Variants in MCF2L observed in about 807,000 individuals in gnomAD.
The protein encoded by MCF2L is guanine nucleotide exchange factor DBS.
MCF2L carries 97 observed loss-of-function variants against 153.4 expected under a neutral mutation model. That is an observed-to-expected ratio of 0.63 (90% CI 0.54 to 0.75). The LOEUF (loss-of-function observed/expected upper bound fraction) is 0.75, where lower values mean the gene tolerates loss of function less well. Among genes scored for constraint, MCF2L ranks in the 30% least tolerant of loss-of-function variants. MCF2L has a pLI of 0.00. For synonymous variants in MCF2L, 659 were observed against 632.2 expected, an observed-to-expected ratio of 1.04 and a Z score of -0.64; for missense variants, 1,347 against 1,495.2, an observed-to-expected ratio of 0.90 and a Z score of 1.64.
At chr13:112,962,476 G>A (rs1243325941) in intron 2 of MCF2L, among the ~76,000 whole-genome samples, 1 of 152,214 alleles carries the variant, frequency 6.6e-6, no homozygotes, top group African/African-American at 2.4e-5. Context: ...AGCCATGGGG[G>A]TGGGCCTCAC....
rs1031200965 is a variant in MCF2L at position 112,904,896 on chromosome 13, G to C, written c.169+2525G>C. 6.6e-6 allele frequency among the ~76,000 whole-genome samples: 1 copy of C among 152,202 alleles called. No individual in the cohort carries two copies. The highest frequency in any genetic ancestry group is 1.9e-4 in the East Asian group (1 of 5,202). On this transcript the variant is annotated intron_variant, in intron 2 of 29. Coordinates refer to the MCF2L transcript ENST00000375608. This position sits in a 1 kb window ranked among gnomAD's most constrained non-coding sequence, Gnocchi z 4.2. ...AACCTGTTTGTATCAGAACAATTTCGAAATCAGTGATAGTTTTTTTTGTCA... is the reference window on the plus strand; with the variant it reads ...AACCTGTTTGTATCAGAACAATTTCCAAATCAGTGATAGTTTTTTTTGTCA...
At position 113,053,665 on chromosome 13, in the gene MCF2L, G is replaced by A. The variant is rs924757202; in HGVS notation, c.370-6928G>A. On this transcript the variant is annotated intron_variant, in intron 4 of 29. Transcript: ENST00000535094. This position sits in a 1 kb window ranked among gnomAD's most constrained non-coding sequence, Gnocchi z 4.4. ...ACTGACCGTTTCTGCCTGAATGGGTGGTTCGGTGGTGGTTGCCACAGGGCT... is the reference window on the plus strand; with the variant it reads ...ACTGACCGTTTCTGCCTGAATGGGTAGTTCGGTGGTGGTTGCCACAGGGCT... Among the ~76,000 whole-genome samples the A allele has an allele frequency of 6.6e-6, 1 of 152,212 alleles. No individual in the cohort carries two copies. The highest frequency in any genetic ancestry group is 1.5e-5 in the Non-Finnish European group (1 of 68,042).
Position 113,096,549 on chromosome 13 carries a change from G to T in MCF2L, c.3189-1G>T. The stretch of plus-strand genomic sequence containing the variant: ...CTGCCGCTGACCCTCGCCCCTTGCA[G>T]GTACGTCAGGGACCCGACCACTGGC... On this transcript the variant is annotated splice_acceptor_variant, in intron 28 of 29. Coordinates refer to ENST00000535094, the MANE Select transcript of MCF2L (RefSeq NM_001112732.3). LOFTEE classifies it high-confidence loss of function. The T allele has an allele frequency of 1.2e-6, 2 of 1,603,024 alleles. No individual in the cohort carries two copies. The highest frequency in any genetic ancestry group is 2.7e-5 in the African/African-American group (2 of 74,934).
At position 113,035,755 on chromosome 13, in the gene MCF2L, T is replaced by C. The variant is rs1380705332; in HGVS notation, c.279-9516T>C. Among the ~76,000 whole-genome samples the C allele has an allele frequency of 6.6e-6, 1 of 152,202 alleles. No individual in the cohort carries two copies. The highest frequency in any genetic ancestry group is 1.5e-5 in the Non-Finnish European group (1 of 68,030). ...TGGTGTGAGCGATCAGAGACCCCAG[T>C]GTTTACCAGGTAGGCTCTGGGCTCA... On this transcript the variant is annotated intron_variant, in intron 3 of 29. Transcript: ENST00000535094. This position sits in a 1 kb window ranked among gnomAD's most constrained non-coding sequence, Gnocchi z 4.4.
At chr13:112,918,808 C>T (rs981681890) in intron 2 of MCF2L, among the ~76,000 whole-genome samples, 6 of 152,106 alleles carry the variant, frequency 3.9e-5, no homozygotes, top group Non-Finnish European at 8.8e-5. Flanking sequence ...TGGTAAGAGA[C>T]CTGACTGAAG....
chr13:113,064,438 C>T lies in MCF2L; in HGVS notation c.606+18C>T. ...AGCGCACGGTGAGCCGCGTCGGGGC[C>T]AGCGGGGCTGGCTGATACCAGCTCG... On this transcript the variant is annotated intron_variant, in intron 6 of 29. Transcript: ENST00000535094. This position sits in a 1 kb window ranked among gnomAD's most constrained non-coding sequence, Gnocchi z 6.0. The T allele has an allele frequency of 6.5e-7, 1 of 1,549,922 alleles. No homozygotes were observed. Among genetic ancestry groups the T allele is most frequent in the South Asian group, 1.1e-5 (1 of 89,846 alleles).
chr13:113,078,330 G>A (rs2033726264), intron 13 of MCF2L, 33 bp from the exon 14 acceptor site: 1 of 1,573,846 alleles, frequency 6.4e-7, no homozygotes, highest in Non-Finnish European at 8.7e-7. Context: ...GGTCAGAGGG[G>A]ACTTCATGCC....
intron 1 of MCF2L, among the ~76,000 whole-genome samples, chr13:112,981,703 C>T (rs1394447122): frequency 8.5e-5 from 13 of 152,348 alleles, no homozygotes; most frequent in East Asian, 1.9e-4. Flanking sequence ...GGCAGGGGGA[C>T]GCATAGCCCA....
chr13:113,081,668 G>C (rs1192830510), intron 16 of MCF2L, among the ~76,000 whole-genome samples: 1 of 152,276 alleles, frequency 6.6e-6, no homozygotes, highest in African/African-American at 2.4e-5. Flanking sequence ...GCAGTGGGCT[G>C]TTGCCTGGGT....
chr13:113,021,673 C>T (rs2084892409), intron 2 of MCF2L, among the ~76,000 whole-genome samples: 1 of 152,202 alleles, frequency 6.6e-6, no homozygotes, highest in African/African-American at 2.4e-5. Flanking sequence ...GCACTGCCCA[C>T]CTTGGTGGGG....
At chr13:113,047,448 T>C (rs2086885912) in intron 4 of MCF2L, 1 of 152,222 alleles carries the variant, frequency 6.6e-6, no homozygotes, top group Non-Finnish European at 1.5e-5. Context: ...CAGACACACA[T>C]GGACGGACAA....
chr13:112,926,327 G>A lies in MCF2L; in HGVS notation c.169+23956G>A, dbSNP rs117162999. ...CTACGTACACAGCGGAGTGCAGTAC[G>A]GCCTGGTCTACATACACAACGGAGT... On this transcript the variant is annotated intron_variant, in intron 2 of 29. Coordinates refer to the MCF2L transcript ENST00000375608. Among the ~76,000 whole-genome samples the A allele has an allele frequency of 3.1e-3, 472 of 151,818 alleles. 1 individual carries two copies. Among genetic ancestry groups the A allele is most frequent in the Non-Finnish European group, 5.6e-3 (378 of 67,942 alleles).
chr13:112,973,377 A>G (rs934918914), intron 1 of MCF2L, among the ~76,000 whole-genome samples: 1 of 152,232 alleles, frequency 6.6e-6, no homozygotes, highest in Non-Finnish European at 1.5e-5. Context: ...AGGTGTGACT[A>G]TAAAGTACAG....
chr13:112,996,744 C>T (rs1364690834), intron 1 of MCF2L, among the ~76,000 whole-genome samples: 1 of 152,202 alleles, frequency 6.6e-6, no homozygotes, highest in East Asian at 1.9e-4. Context: ...CCTGGTGAGC[C>T]CTGTGGGTGG....
At chr13:113,026,591 T>C (rs1345729264) in intron 3 of MCF2L, among the ~76,000 whole-genome samples, 2 of 152,200 alleles carry the variant, frequency 1.3e-5, no homozygotes, top group African/African-American at 4.8e-5. Context: ...AGTTCTGCGG[T>C]GCGAGGGCTT....
In MCF2L at chr13:112,983,730, G is replaced by A. The variant is rs1229626775; in HGVS notation, c.79+14272G>A. Among the ~76,000 whole-genome samples the A allele has an allele frequency of 6.6e-6, 1 of 152,204 alleles. No homozygotes were observed. The highest frequency in any genetic ancestry group is 1.5e-5 in the Non-Finnish European group (1 of 68,032). ...CGCACTGTGGCCCCGGGGAAGCGTG[G>A]TGTCTGCAGCCTCCTGGGCCTTCCC... On this transcript the variant is annotated intron_variant, in intron 1 of 29. Transcript: ENST00000535094. This position sits in a 1 kb window ranked among gnomAD's most constrained non-coding sequence, Gnocchi z 4.0.
chr13:112,974,578 A>G (rs2082154950), intron 1 of MCF2L, among the ~76,000 whole-genome samples: 1 of 152,220 alleles, frequency 6.6e-6, no homozygotes, highest in Non-Finnish European at 1.5e-5. Context: ...TACCAGCTGA[A>G]TACCAGAGGG....
chr13:113,016,524 G>A (rs546245479), intron 2 of MCF2L, among the ~76,000 whole-genome samples: 2 of 152,274 alleles, frequency 1.3e-5, no homozygotes, highest in Middle Eastern at 6.8e-3. Flanking sequence ...AAGTGCCTGA[G>A]CGTCAATGGT....
At chr13:112,958,978 C>T (rs1347958148) in intron 2 of MCF2L, among the ~76,000 whole-genome samples, 1 of 152,200 alleles carries the variant, frequency 6.6e-6, no homozygotes, top group Non-Finnish European at 1.5e-5. Context: ...CGGGGTCCTG[C>T]AGGAAAAGCA....
Sources: allele counts gnomAD v4.1 joint callset (sites outside exome capture counted in the v4.1 genomes callset), GRCh38; gene constraint gnomAD v4.1.1; non-coding constraint Gnocchi (gnomAD v3.1); transcripts MANE v1.5; gene names NCBI Gene and HGNC (gene_info 2026-07-23, HGNC 2026-07-21).